CSRNP1: variants seen among roughly 807,000 people sequenced by gnomAD.
CSRNP1 encodes cysteine/serine-rich nuclear protein 1.
In CSRNP1, 8 loss-of-function variants were observed where a neutral mutation model predicts 25.0. The ratio of observed to expected loss-of-function variants is 0.32; its 90% CI spans 0.19 to 0.58. The LOEUF (loss-of-function observed/expected upper bound fraction) is 0.58, where lower values mean the gene tolerates loss of function less well. CSRNP1 is among the 20% of genes least tolerant of loss of function. CSRNP1 has a pLI of 0.88. For missense variants in CSRNP1, 691 were observed against 773.1 expected, an observed-to-expected ratio of 0.89 and a Z score of 1.26; for synonymous variants, 305 against 303.1, an observed-to-expected ratio of 1.01 and a Z score of -0.06.
chr3:39,143,442 A>G lies in CSRNP1; in HGVS notation c.1383T>C (p.Asp461=), dbSNP rs1001306994. 2.5e-6 allele frequency: 4 copies of G among 1,614,052 alleles called. No homozygotes were observed. The highest frequency in any genetic ancestry group is 1.7e-5 in the Admixed American group (1 of 60,000). The change falls in exon 5 of 5, where the codon GAT becomes GAC. Residue 461 remains aspartate, a synonymous_variant. Coordinates refer to ENST00000273153, the MANE Select transcript of CSRNP1 (RefSeq NM_033027.4). ...SGVLDENANL[D]ASCFLNGGLE... is the part of the protein sequence containing the mutation. Reference sequence around the variant, plus strand: ...GGCCACCATTTAGGAAGCAGCTGGCATCCAGGTTGGCATTCTCATCCAGGA... The same window carrying G: ...GGCCACCATTTAGGAAGCAGCTGGCGTCCAGGTTGGCATTCTCATCCAGGA...
intron 1 of CSRNP1, chr3:39,150,039 C>T (rs2039560757): frequency 6.6e-6 from 1 of 152,146 alleles, no homozygotes; most frequent in African/African-American, 2.4e-5. Flanking sequence ...GAGATGGTCT[C>T]CCTCTCCAAC....
At position 39,145,296 on chromosome 3, in the gene CSRNP1, G is replaced by A. The variant is rs975049946; in HGVS notation, c.206-40C>T. ...AAGATGGGCTGGGGATTAGTTTTCA[G>A]TGAGGCACAACTTACCTCCAAAAAG... is the stretch of plus-strand genomic sequence containing the variant. On this transcript the variant is annotated intron_variant, in intron 2 of 4. Transcript: ENST00000273153. 2.6e-6 allele frequency: 4 copies of A among 1,528,334 alleles called. No homozygotes were observed. The Admixed American group carries it at 8.2e-5, about 31-fold the overall frequency. 94.7% of individuals were successfully genotyped at this position (1,528,334 alleles called of 1,614,324 possible). A position where few individuals can be genotyped will look rare whatever the true frequency, so the allele number is the denominator to read the frequency against.
chr3:39,153,260 GC>G, intron 1 of CSRNP1, 177 bp downstream of exon 1: 1 of 153,000 alleles, frequency 6.5e-6, no homozygotes, highest in South Asian at 1.9e-4. Flanking sequence ...CGCCGGCCGG[GC>G]CCCCGGCCCC....
intron 1 of CSRNP1, chr3:39,149,080 G>A (rs1402647940): frequency 6.7e-6 from 1 of 150,012 alleles, no homozygotes; most frequent in Non-Finnish European, 1.5e-5. Context: ...TTAGATTAGT[G>A]ATAAGTGCTC....
At position 39,153,565 on chromosome 3, in the gene CSRNP1, C is replaced by G. The variant is rs972692127; in HGVS notation, c.-168G>C. ...CCAGCCGCCCCTCGCTCTGCGCGTCCGGCAGCGGCGGCGGCGGCGGGAGAC... is the reference window on the plus strand; with the variant it reads ...CCAGCCGCCCCTCGCTCTGCGCGTCGGGCAGCGGCGGCGGCGGCGGGAGAC... On this transcript the variant is annotated 5_prime_UTR_variant, in exon 1 of 5. Coordinates refer to ENST00000273153, the MANE Select transcript of CSRNP1 (RefSeq NM_033027.4). 1 of 154,666 alleles carries G rather than the reference C, an allele frequency of 6.5e-6. No homozygotes were observed. The highest frequency in any genetic ancestry group is 1.4e-5 in the Non-Finnish European group (1 of 70,036). 9.6% of individuals were successfully genotyped at this position (154,666 alleles called of 1,614,324 possible).
rs2125885953 is a variant in CSRNP1, at chr3:39,145,162, G to A, written c.300C>T (p.Phe100=). Residue 100 remains phenylalanine, a synonymous_variant, in exon 3 of 5, where the codon TTC becomes TTT. Coordinates refer to ENST00000273153, the MANE Select transcript of CSRNP1 (RefSeq NM_033027.4). ...TVFYFPRCQG[F]TSVPSRGGCT... ...AGCCACCACGGCTGGGCACACTGGTGAAGCCCTGGCAGCGGGGGAAGTAGA... is the reference window on the plus strand; with the variant it reads ...AGCCACCACGGCTGGGCACACTGGTAAAGCCCTGGCAGCGGGGGAAGTAGA... 6.2e-7 allele frequency: 1 copy of A among 1,614,250 alleles called. No individual in the cohort carries two copies. The highest frequency in any genetic ancestry group is 2.2e-5 in the East Asian group (1 of 44,890).
chr3:39,151,347 C>G lies in CSRNP1; in HGVS notation c.-41+2091G>C, dbSNP rs1164821060. 2.0e-5 allele frequency: 3 copies of G among 152,838 alleles called. No homozygotes were observed. In the East Asian group the frequency reaches 5.8e-4, roughly 29 times the overall value. The allele number at this position is 152,838 out of a possible 1,614,324, so 9.5% of individuals were successfully genotyped here. A position where few individuals can be genotyped will look rare whatever the true frequency, so the allele number is the denominator to read the frequency against. On this transcript the variant is annotated intron_variant, in intron 1 of 4. Coordinates refer to ENST00000273153, the MANE Select transcript of CSRNP1 (RefSeq NM_033027.4). ...CACCACACACAGGCACTGACAACCC[C>G]CCACTCAACTGGCCACAGTTATCCA...
At chr3:39,148,616 C>G (rs1406122185) in intron 1 of CSRNP1, 1 of 152,354 alleles carries the variant, frequency 6.6e-6, no homozygotes, top group East Asian at 1.9e-4. Context: ...CTGTTCCCCA[C>G]CCCCCATGCC....
chr3:39,146,781 G>A (rs2039519894), intron 1 of CSRNP1, 59 bp from the exon 2 acceptor site: 1 of 1,501,276 alleles, frequency 6.7e-7, no homozygotes, highest in African/African-American at 1.4e-5. Context: ...TGGACTTCCA[G>A]CCAGGATCAT....
rs1302643910 is a variant in CSRNP1 at position 39,145,188 on chromosome 3, A to T, written c.274T>A (p.Phe92Ile). Reference sequence around the variant, plus strand: ...AAGCCCTGGCAGCGGGGGAAGTAGAAGACGGTGATCCCATCAAAGGCTACA... The same window carrying T: ...AAGCCCTGGCAGCGGGGGAAGTAGATGACGGTGATCCCATCAAAGGCTACA... Reference protein sequence around the residue: ...GRVAFDGITVFYFPRCQGFTS... With the variant: ...GRVAFDGITVIYFPRCQGFTS... The change falls in exon 3 of 5, where the codon TTC (phenylalanine) becomes ATC (isoleucine). Residue 92 changes from phenylalanine to isoleucine, a missense_variant. Transcript: ENST00000273153. 6.2e-7 allele frequency: 1 copy of T among 1,614,190 alleles called. No individual in the cohort carries two copies. Among genetic ancestry groups the T allele is most frequent in the Admixed American group, 1.7e-5 (1 of 60,030 alleles).
At position 39,145,390 on chromosome 3, in the gene CSRNP1, A is replaced by G. The variant is rs1412237054; in HGVS notation, c.206-134T>C. 3.4e-6 allele frequency: 4 copies of G among 1,162,090 alleles called. No individual in the cohort carries two copies. The African/African-American group carries it at 6.2e-5, about 18-fold the overall frequency. 72.0% of individuals were successfully genotyped at this position (1,162,090 alleles called of 1,614,324 possible). ...CCTCTCCACCCATTTTGAAAAAAGA[A>G]ATGTGAATTTAGGAGCCTGTGTGGT... is the stretch of plus-strand genomic sequence containing the variant. On this transcript the variant is annotated intron_variant, in intron 2 of 4. Coordinates refer to ENST00000273153, the MANE Select transcript of CSRNP1 (RefSeq NM_033027.4).
At chr3:39,144,114 C>T in intron 4 of CSRNP1, 23 bp downstream of exon 4, 1 of 1,608,944 alleles carries the variant, frequency 6.2e-7, no homozygotes, top group Admixed American at 1.7e-5. Flanking sequence ...CTCAGGATCC[C>T]CATCCCAGTC....
intron 1 of CSRNP1, among the ~76,000 whole-genome samples, 173 bp from the exon 2 acceptor site, chr3:39,146,895 C>T (rs1575577178): frequency 1.3e-5 from 2 of 152,208 alleles, no homozygotes; most frequent in South Asian, 4.1e-4. Flanking sequence ...CCAGGAGGAT[C>T]TCTGCACAAG....
At chr3:39,146,866 GTGGGGGAGGGCACAGT>G (rs2039520744) in intron 1 of CSRNP1, 144 bp from the exon 2 acceptor site, 1 of 1,119,058 alleles carries the variant, frequency 8.9e-7, no homozygotes, top group African/African-American at 1.6e-5. Flanking sequence ...GGAGCTCTGT[GTGGGGGAGGGCACAGT>G]CTCCAGGAGG....
At chr3:39,144,546 C>T in intron 3 of CSRNP1, 95 bp from the exon 4 acceptor site, 5 of 1,263,014 alleles carry the variant, frequency 4.0e-6, no homozygotes, top group South Asian at 2.9e-5. Context: ...GTGCTTACCC[C>T]CCCACTACTC....
At chr3:39,148,724 C>G (rs1225110208) in intron 1 of CSRNP1, 1 of 152,512 alleles carries the variant, frequency 6.6e-6, no homozygotes, top group South Asian at 2.1e-4. Flanking sequence ...ACTCCTTCCT[C>G]TCTCTTCCTC....
intron 1 of CSRNP1, among the ~76,000 whole-genome samples, chr3:39,147,501 C>A (rs9311206): frequency 6.6e-6 from 1 of 152,190 alleles, no homozygotes; most frequent in East Asian, 1.9e-4. Flanking sequence ...TAGAAACCCC[C>A]GCTCCACTGT....
At chr3:39,145,378 T>G in intron 2 of CSRNP1, 122 bp from the exon 3 acceptor site, 1 of 1,238,336 alleles carries the variant, frequency 8.1e-7, no homozygotes, top group Non-Finnish European at 1.1e-6. Flanking sequence ...CTCCACCCAT[T>G]TTGAAAAAAG....
chr3:39,147,549 C>G (rs1006884784), intron 1 of CSRNP1, among the ~76,000 whole-genome samples: 2 of 152,104 alleles, frequency 1.3e-5, no homozygotes, highest in Admixed American at 6.5e-5. Flanking sequence ...GTGACCACAG[C>G]CACTAAGGCT....
Sources: gnomAD v4.1 joint callset for allele counts (sites outside exome capture counted in the v4.1 genomes callset) on GRCh38, gnomAD v4.1.1 for gene constraint, MANE v1.5 for transcripts, NCBI Gene and HGNC (gene_info 2026-07-23, HGNC 2026-07-21) for gene names.